HSF5: variants seen among roughly 807,000 people sequenced by gnomAD.
HSF5 encodes the protein heat shock transcription factor 5.
HSF5 carries 5 observed loss-of-function variants against 50.8 expected under a neutral mutation model. The ratio of observed to expected loss-of-function variants is 0.10; its 90% CI spans 0.05 to 0.21. The LOEUF (loss-of-function observed/expected upper bound fraction) is 0.21, where lower values mean the gene tolerates loss of function less well. Among genes scored for constraint, HSF5 ranks in the 10% least tolerant of loss-of-function variants. The probability of loss-of-function intolerance (pLI) is 1.00; values close to 1 mark genes in which losing one functional copy is unlikely to be tolerated. For missense variants in HSF5, 564 were observed against 762.6 expected (o/e 0.74, Z 3.07); for synonymous variants, 307 against 307.4 (o/e 1.00, Z 0.02).
At chr17:58,475,199 T>G (rs1267041722) in intron 2 of HSF5, among the ~76,000 whole-genome samples, 1 of 152,186 alleles carries the variant, frequency 6.6e-6, no homozygotes, top group African/African-American at 2.4e-5. Flanking sequence ...TTAGGTACAA[T>G]GAGCCAACGA....
intron 2 of HSF5, among the ~76,000 whole-genome samples, chr17:58,474,825 T>G (rs1425253795): frequency 6.6e-6 from 1 of 152,120 alleles, no homozygotes; most frequent in African/African-American, 2.4e-5. Flanking sequence ...CAAGCAATCC[T>G]CCACCTCAGC....
chr17:58,439,475 G>A (rs1476240634), intron 5 of HSF5, among the ~76,000 whole-genome samples: 1 of 151,930 alleles, frequency 6.6e-6, no homozygotes, highest in East Asian at 1.9e-4. Context: ...AAAAAGAGCT[G>A]TTAGAAGTTA....
intron 5 of HSF5, among the ~76,000 whole-genome samples, chr17:58,445,267 A>G (rs1974545250): frequency 6.6e-6 from 1 of 152,218 alleles, no homozygotes; most frequent in Non-Finnish European, 1.5e-5. Flanking sequence ...GATACATGCA[A>G]ATGAAATCAG....
chr17:58,451,879 A>G (rs1249050978), intron 5 of HSF5, among the ~76,000 whole-genome samples: 1 of 151,944 alleles, frequency 6.6e-6, no homozygotes, highest in Admixed American at 6.6e-5. Flanking sequence ...AACAATATAA[A>G]AGATCACCAA....
In HSF5 at chr17:58,463,230, T is replaced by C; in HGVS notation, c.1094A>G (p.Asn365Ser). Residue 365 changes from asparagine (N) to serine (S), a missense_variant, in exon 4 of 6, where the codon AAT becomes AGT. Around this residue, in one of 5 missense-constraint regions of HSF5, gnomAD observed 441 missense variants for 533.6 expected, o/e 0.83. Transcript: ENST00000323777. ...SNWPCSTTDE[N>S]TKTEVNLEAV... is the part of the protein sequence containing the mutation. Reference sequence around the variant, plus strand: ...CTCTAGGTTTACTTCTGTCTTTGTATTTTCATCAGTAGTACTGCAGGGCCA... The same window carrying C: ...CTCTAGGTTTACTTCTGTCTTTGTACTTTCATCAGTAGTACTGCAGGGCCA... The C allele has an allele frequency of 1.2e-6, 2 of 1,614,134 alleles. No homozygotes were observed. The highest frequency in any genetic ancestry group is 2.2e-5 in the South Asian group (2 of 91,086).
In HSF5 at chr17:58,480,013, G is replaced by A; in HGVS notation, c.805C>T (p.Leu269=). The change falls in exon 2 of 6, where the codon CTG becomes TTG. Residue 269 remains leucine (L), a synonymous_variant. Coordinates refer to ENST00000323777, the MANE Select transcript of HSF5 (RefSeq NM_001080439.3). ...QRFPTEVTYT[L]QPSTTSVHVQ... is the part of the protein sequence containing the mutation. ...TGTACAGATGTGGTGCTGGGCTGCA[G>A]TGTATAGGTAACCTCAGTTGGAAAC... 6.2e-7 allele frequency: 1 copy of A among 1,614,160 alleles called. No individual in the cohort carries two copies. The highest frequency in any genetic ancestry group is 1.1e-5 in the South Asian group (1 of 91,080).
At chr17:58,483,556 A>G (rs1975128867) in intron 1 of HSF5, among the ~76,000 whole-genome samples, 2 of 152,198 alleles carry the variant, frequency 1.3e-5, no homozygotes, top group Admixed American at 6.5e-5. Context: ...CAAAAATTCT[A>G]TTTCTTTTAT....
Position 58,462,856 on chromosome 17 carries a change from C to T in HSF5, c.1468G>A (p.Glu490Lys). 6.2e-7 allele frequency: 1 copy of T among 1,614,066 alleles called. No homozygotes were observed. Among genetic ancestry groups the T allele is most frequent in the African/African-American group, 1.3e-5 (1 of 75,022 alleles). The part of the protein sequence containing the change: ...AIQQAHVKLK[E>K]HLNHNPSPSS... Reference sequence around the variant, plus strand: ...GGAGATGGATTATGATTTAGGTGCTCCTTCAGTTTGACATGAGCTTGCTGG... The same window carrying T: ...GGAGATGGATTATGATTTAGGTGCTTCTTCAGTTTGACATGAGCTTGCTGG... The change falls in exon 4 of 6, where the codon GAG becomes AAG. Residue 490 changes from glutamate to lysine, a missense_variant. Glu to Lys is a moderately conservative substitution (Grantham distance 56). Around this residue, in one of 5 missense-constraint regions of HSF5, gnomAD observed 441 missense variants for 533.6 expected, o/e 0.83. Coordinates refer to ENST00000323777, the MANE Select transcript of HSF5 (RefSeq NM_001080439.3).
At chr17:58,438,693 A>G (rs971583457) in intron 5 of HSF5, among the ~76,000 whole-genome samples, 8 of 151,990 alleles carry the variant, frequency 5.3e-5, no homozygotes, top group Admixed American at 5.2e-4. Context: ...CTCAGGCTAG[A>G]GGTACCTAGT....
rs1975218673 is a variant in HSF5 at position 58,488,109 on chromosome 17, G to A, written c.166C>T (p.Pro56Ser). The change falls in exon 1 of 6, where the codon CCG becomes TCG. Residue 56 changes from proline to serine, a missense_variant. Physicochemically the swap from Pro to Ser is moderately conservative, Grantham distance 74 (BLOSUM62 -1). Around this residue, in one of 5 missense-constraint regions of HSF5, gnomAD observed 72 missense variants for 110.9 expected, o/e 0.65. Transcript: ENST00000323777. This position sits in a 1 kb window ranked among gnomAD's most constrained non-coding sequence, Gnocchi z 4.1. ...FEAELLSPPG[P>S]GGGGGTAGAG... Reference sequence around the variant, plus strand: ...CCCGCAGTCCCGCCACCGCCCCCCGGCCCGGGCGGGCTGAGCAGCTCGGCC... The same window carrying A: ...CCCGCAGTCCCGCCACCGCCCCCCGACCCGGGCGGGCTGAGCAGCTCGGCC... The A allele has an allele frequency of 1.9e-6, 3 of 1,569,012 alleles. No homozygotes were observed. Among genetic ancestry groups the A allele is most frequent in the Non-Finnish European group, 2.6e-6 (3 of 1,165,390 alleles).
chr17:58,423,224 A>G (rs1256183396), intron 5 of HSF5, among the ~76,000 whole-genome samples: 1 of 152,214 alleles, frequency 6.6e-6, no homozygotes, highest in East Asian at 1.9e-4. Flanking sequence ...TGACTAACAC[A>G]GCTGAATTCT....
intron 3 of HSF5, among the ~76,000 whole-genome samples, chr17:58,463,508 A>G (rs1251144064): frequency 1.3e-5 from 2 of 152,202 alleles, no homozygotes; most frequent in Non-Finnish European, 2.9e-5. Context: ...CTACATGTCA[A>G]CCACTCTGCT....
rs1214874490 is a variant in HSF5 at position 58,471,605 on chromosome 17, TTCTTTC to T, written c.926-4632_926-4627del. On this transcript the variant is annotated intron_variant, in intron 2 of 5. Coordinates refer to ENST00000323777, the MANE Select transcript of HSF5 (RefSeq NM_001080439.3). ...CAAAATGGATATTTTCTTTTTCTTT[TTCTTTC>T]CTTTTCTTTCTTTTTTTTTTTTGAG... Among the ~76,000 whole-genome samples the T allele has an allele frequency of 7.9e-5, 10 of 126,708 alleles. No individual in the cohort carries two copies. In the Admixed American group the frequency reaches 9.3e-4, roughly 12 times the overall value. 83.1% of individuals were successfully genotyped at this position (126,708 alleles called of 152,430 possible).
intron 5 of HSF5, among the ~76,000 whole-genome samples, chr17:58,446,219 C>A (rs1197605211): frequency 5.9e-5 from 9 of 151,774 alleles, no homozygotes; most frequent in East Asian, 5.8e-4. Context: ...ATTCTCCCCC[C>A]ACAGGAACAT....
chr17:58,424,989 G>A (rs552358772), intron 5 of HSF5, among the ~76,000 whole-genome samples: 2 of 152,304 alleles, frequency 1.3e-5, no homozygotes, highest in South Asian at 2.1e-4. Context: ...TAATAGGTAC[G>A]GAGTTTCCGT....
At chr17:58,487,684 T>C (rs1486335025) in intron 1 of HSF5, 41 bp downstream of exon 1, 2 of 1,364,388 alleles carry the variant, frequency 1.5e-6, no homozygotes, top group Non-Finnish European at 1.9e-6. Context: ...CCGCCGCCCA[T>C]GTGCCCACTG....
At chr17:58,430,793 C>T (rs1974354983) in intron 5 of HSF5, among the ~76,000 whole-genome samples, 2 of 152,134 alleles carry the variant, frequency 1.3e-5, no homozygotes, top group Non-Finnish European at 2.9e-5. Flanking sequence ...CTAATAAATC[C>T]CCTCTTATAT....
chr17:58,433,601 G>C (rs995818787), intron 5 of HSF5, among the ~76,000 whole-genome samples: 3 of 152,182 alleles, frequency 2.0e-5, no homozygotes, highest in African/African-American at 7.2e-5. Context: ...AAACTACAGA[G>C]TTGGCCAGTG....
chr17:58,435,898 C>CA (rs11458311), intron 5 of HSF5, among the ~76,000 whole-genome samples: 21,064 of 59,574 alleles, frequency 0.35, 3,161 homozygotes, highest in East Asian at 0.48. Context: ...GACTCCATCT[C>CA]AAAAAAAAAA....
Sources: gnomAD v4.1 joint callset for allele counts (sites outside exome capture counted in the v4.1 genomes callset) on GRCh38, gnomAD v4.1.1 for gene constraint, gnomAD v4.1.1 regional missense constraint, Gnocchi (gnomAD v3.1) non-coding constraint, MANE v1.5 for transcripts, NCBI Gene and HGNC (gene_info 2026-07-23, HGNC 2026-07-21) for gene names.